TACR3: variants seen among roughly 807,000 people sequenced by gnomAD.
The protein encoded by TACR3 is tachykinin receptor 3, also known as neuromedin-K receptor.
A neutral mutation model predicts 35.0 loss-of-function variants in TACR3; 34 were observed. The observed-to-expected ratio is 0.97, with a 90% CI of 0.74 to 1.30. The LOEUF (loss-of-function observed/expected upper bound fraction) is 1.30, where lower values mean the gene tolerates loss of function less well. Among genes scored for constraint, TACR3 ranks in the 50% most tolerant of loss-of-function variants. The pLI is 0.00. For missense variants in TACR3, 558 were observed against 591.7 expected, an observed-to-expected ratio of 0.94 and a Z score of 0.59; for synonymous variants, 233 against 221.1, an observed-to-expected ratio of 1.05 and a Z score of -0.48.
At chr4:103,607,070 C>G (rs1024069569) in intron 3 of TACR3, among the ~76,000 whole-genome samples, 2 of 152,060 alleles carry the variant, frequency 1.3e-5, no homozygotes, top group African/African-American at 4.8e-5. Flanking sequence ...GGATGCAAGG[C>G]TGGTTCAATA....
In TACR3 at chr4:103,719,730, G is replaced by A. The variant is rs1723173040; in HGVS notation, c.-55C>T. Reference sequence around the variant, plus strand: ...CACTCACCCACGGGCAGCCCAAGACGAGACTCCTCTGAAGTTCTTCTCTGC... The same window carrying A: ...CACTCACCCACGGGCAGCCCAAGACAAGACTCCTCTGAAGTTCTTCTCTGC... On this transcript the variant is annotated 5_prime_UTR_variant, in exon 1 of 5. Coordinates refer to ENST00000304883, the MANE Select transcript of TACR3 (RefSeq NM_001059.3). 5 of 1,595,366 alleles carry A rather than the reference G, an allele frequency of 3.1e-6. No individual in the cohort carries two copies. In the Admixed American group the frequency reaches 6.7e-5, roughly 21 times the overall value.
At chr4:103,679,808 T>C (rs1381086354) in intron 1 of TACR3, among the ~76,000 whole-genome samples, 1 of 151,850 alleles carries the variant, frequency 6.6e-6, no homozygotes, top group Non-Finnish European at 1.5e-5. Flanking sequence ...AAGCTCTCCA[T>C]TGGCAGATAA....
chr4:103,693,172 T>C (rs1722442492), intron 1 of TACR3, among the ~76,000 whole-genome samples: 1 of 152,212 alleles, frequency 6.6e-6, no homozygotes, highest in Admixed American at 6.5e-5. Flanking sequence ...CTGTAATCTC[T>C]ACAACTTGTT....
chr4:103,706,137 G>A (rs1722782418), intron 1 of TACR3, among the ~76,000 whole-genome samples: 1 of 152,098 alleles, frequency 6.6e-6, no homozygotes, highest in East Asian at 1.9e-4. Context: ...ACAACTGGAT[G>A]AATGCTTGCA....
In TACR3 at chr4:103,589,737, G is replaced by T; in HGVS notation, c.1343C>A (p.Ser448Tyr). 1 of 1,613,954 alleles carries T rather than the reference G, an allele frequency of 6.2e-7. No homozygotes were observed. The change falls in exon 5 of 5, where the codon TCC becomes TAC. Residue 448 changes from serine (S) to tyrosine (Y), a missense_variant. Transcript: ENST00000304883. ...TGAGCTTATGAAACTTGAAGTGGCG[G>T]AGGCAGATTTGGAATTCCTGCGAGA... is the stretch of plus-strand genomic sequence containing the variant. The part of the protein sequence containing the change: ...GCSRRNSKSA[S>Y]ATSSFISSPY...
intron 1 of TACR3, among the ~76,000 whole-genome samples, chr4:103,681,683 T>A (rs975619150): frequency 6.6e-6 from 1 of 152,086 alleles, no homozygotes; most frequent in African/African-American, 2.4e-5. Flanking sequence ...TTTCATAATC[T>A]TTTTAGAACT....
intron 1 of TACR3, among the ~76,000 whole-genome samples, chr4:103,714,727 T>C (rs1723049026): frequency 6.6e-6 from 1 of 152,152 alleles, no homozygotes. Context: ...CACTTGGTAC[T>C]CAAATTAAAG....
chr4:103,619,578 G>T (rs554774440), intron 3 of TACR3, among the ~76,000 whole-genome samples: 1 of 152,184 alleles, frequency 6.6e-6, no homozygotes, highest in East Asian at 1.9e-4. Flanking sequence ...GGTGAGAGTC[G>T]GCATCCTTGT....
At chr4:103,594,091 G>C (rs906097205) in intron 3 of TACR3, among the ~76,000 whole-genome samples, 1 of 152,042 alleles carries the variant, frequency 6.6e-6, no homozygotes, top group Non-Finnish European at 1.5e-5. Context: ...ATTTAAGATG[G>C]ACATGTGTAT....
chr4:103,691,291 G>A (rs1040233106), intron 1 of TACR3, among the ~76,000 whole-genome samples: 12 of 152,136 alleles, frequency 7.9e-5, no homozygotes, highest in Admixed American at 7.2e-4. Context: ...CTTGATACAC[G>A]GATTAACTTG....
chr4:103,676,364 C>T (rs1726170261), intron 1 of TACR3, among the ~76,000 whole-genome samples: 2 of 152,104 alleles, frequency 1.3e-5, no homozygotes, highest in Admixed American at 6.6e-5. Context: ...AATTACACTA[C>T]ATAACACAAT....
At chr4:103,627,008 G>T (rs1724907631) in intron 3 of TACR3, among the ~76,000 whole-genome samples, 1 of 147,526 alleles carries the variant, frequency 6.8e-6, no homozygotes, top group Admixed American at 6.7e-5. Context: ...CCCCATCTCT[G>T]TGAAAAATAA....
chr4:103,682,506 C>T (rs1360013850), intron 1 of TACR3, among the ~76,000 whole-genome samples: 5 of 152,050 alleles, frequency 3.3e-5, no homozygotes, highest in African/African-American at 7.2e-5. Context: ...CTCACTATCA[C>T]GAGAACAGCA....
intron 1 of TACR3, among the ~76,000 whole-genome samples, chr4:103,661,274 TA>T (rs1725832995): frequency 6.6e-6 from 1 of 152,174 alleles, no homozygotes; most frequent in Non-Finnish European, 1.5e-5. Flanking sequence ...TGTGTAACAT[TA>T]AAACAAAGGT....
intron 1 of TACR3, among the ~76,000 whole-genome samples, chr4:103,704,788 C>T (rs1302089271): frequency 6.6e-6 from 1 of 152,120 alleles, no homozygotes; most frequent in Non-Finnish European, 1.5e-5. Context: ...TACCACTATC[C>T]TCTCCCCGAC....
rs201476764 is a variant in TACR3 at position 103,656,173 on chromosome 4, G to A, written c.888+21C>T. On this transcript the variant is annotated intron_variant, in intron 3 of 4. Transcript: ENST00000304883. ...ATACCATAACCTATACAAATGCTAGGTAAACAACATGGACCAGTACCTTTC... is the reference window on the plus strand; with the variant it reads ...ATACCATAACCTATACAAATGCTAGATAAACAACATGGACCAGTACCTTTC... The A allele has an allele frequency of 3.1e-6, 5 of 1,612,232 alleles. No homozygotes were observed. The South Asian group carries it at 3.3e-5, about 11-fold the overall frequency.
At chr4:103,705,059 A>AT (rs1267169438) in intron 1 of TACR3, among the ~76,000 whole-genome samples, 2 of 151,810 alleles carry the variant, frequency 1.3e-5, no homozygotes, top group Non-Finnish European at 2.9e-5. Context: ...AGTTCTTTGC[A>AT]TTTTGGTTTG....
At position 103,667,181 on chromosome 4, in the gene TACR3, C is replaced by T. The variant is rs188642217; in HGVS notation, c.549-8778G>A. Among the ~76,000 whole-genome samples, 8 of 152,136 alleles carry T rather than the reference C, an allele frequency of 5.3e-5. No homozygotes were observed. In the East Asian group the frequency reaches 1.5e-3, roughly 29 times the overall value. ...GCTGAGGCAGGAGAATCACTTGAAC[C>T]CAGGAGGCGGAGGTTGCAGTGAGTC... On this transcript the variant is annotated intron_variant, in intron 1 of 4. Coordinates refer to ENST00000304883, the MANE Select transcript of TACR3 (RefSeq NM_001059.3).
At chr4:103,671,273 G>C (rs761347261) in intron 1 of TACR3, among the ~76,000 whole-genome samples, 5 of 151,874 alleles carry the variant, frequency 3.3e-5, no homozygotes, top group Non-Finnish European at 5.9e-5. Context: ...TCTCTGCCTG[G>C]TTTTGGTATC....
Sources: gnomAD v4.1 joint callset for allele counts (sites outside exome capture counted in the v4.1 genomes callset) on GRCh38, gnomAD v4.1.1 for gene constraint, MANE v1.5 for transcripts, NCBI Gene and HGNC (gene_info 2026-07-23, HGNC 2026-07-21) for gene names.